The following SLC39A11 variants were observed in gnomAD, a reference collection of about 807,000 sequenced individuals.
SLC39A11 encodes solute carrier family 39 member 11, also known as zinc transporter ZIP11.
A neutral mutation model predicts 36.1 loss-of-function variants in SLC39A11; 33 were observed. The ratio of observed to expected loss-of-function variants is 0.91; its 90% CI spans 0.69 to 1.22. The LOEUF (loss-of-function observed/expected upper bound fraction) is 1.22. Ranked by LOEUF, SLC39A11 falls within the 50% of genes most tolerant of loss-of-function variation. The pLI is 0.00. For missense variants in SLC39A11, 432 were observed against 430.3 expected, an observed-to-expected ratio of 1.00 and a Z score of -0.03; for synonymous variants, 166 against 170.3, an observed-to-expected ratio of 0.97 and a Z score of 0.20.
intron 7 of SLC39A11, among the ~76,000 whole-genome samples, chr17:72,716,990 T>TACAC (rs1452808858): frequency 8.9e-4 from 110 of 123,358 alleles, no homozygotes; most frequent in African/African-American, 3.4e-3. Context: ...AATATATATA[T>TACAC]ATACACACAC....
intron 6 of SLC39A11, among the ~76,000 whole-genome samples, chr17:72,773,857 C>A (rs570681425): frequency 6.6e-6 from 1 of 152,272 alleles, no homozygotes; most frequent in South Asian, 2.1e-4. Flanking sequence ...CAAGGAGGAA[C>A]AGGGGCTGAA....
intron 6 of SLC39A11, among the ~76,000 whole-genome samples, chr17:72,804,267 T>C (rs1323901990): frequency 6.6e-6 from 1 of 152,174 alleles, no homozygotes; most frequent in East Asian, 1.9e-4. Flanking sequence ...TGCAAAGTCC[T>C]AGGAATCTGG....
chr17:72,829,818 T>C lies in SLC39A11; in HGVS notation c.601+19816A>G, dbSNP rs140826831. Among the ~76,000 whole-genome samples, 46 of 152,194 alleles carry C rather than the reference T, an allele frequency of 3.0e-4. No homozygotes were observed. The East Asian group carries it at 8.3e-3, about 28-fold the overall frequency. On this transcript the variant is annotated intron_variant, in intron 6 of 9. Coordinates refer to ENST00000255559, the MANE Select transcript of SLC39A11 (RefSeq NM_139177.4). ...TGCTCCTGATGCAGTTTTCTCCACGTCACTAGTGTAGCCACCTTGTTCCCC... is the reference window on the plus strand; with the variant it reads ...TGCTCCTGATGCAGTTTTCTCCACGCCACTAGTGTAGCCACCTTGTTCCCC...
chr17:72,857,373 C>T (rs915588916), intron 5 of SLC39A11, among the ~76,000 whole-genome samples: 1 of 152,080 alleles, frequency 6.6e-6, no homozygotes, highest in Non-Finnish European at 1.5e-5. Context: ...TTTCTTTATC[C>T]AACCTGTCAC....
intron 7 of SLC39A11, among the ~76,000 whole-genome samples, chr17:72,716,209 C>G (rs2073355321): frequency 1.3e-5 from 2 of 152,104 alleles, no homozygotes; most frequent in Admixed American, 1.3e-4. Flanking sequence ...GGTAGGGCCC[C>G]CAGCACTCCA....
At chr17:72,668,360 G>A (rs1409644469) in intron 7 of SLC39A11, among the ~76,000 whole-genome samples, 2 of 151,574 alleles carry the variant, frequency 1.3e-5, no homozygotes, top group Non-Finnish European at 2.9e-5. Flanking sequence ...TGGCTCTGAC[G>A]GATGCCCCAG....
intron 6 of SLC39A11, among the ~76,000 whole-genome samples, chr17:72,775,390 T>C (rs1427381680): frequency 6.6e-6 from 1 of 152,170 alleles, no homozygotes; most frequent in Non-Finnish European, 1.5e-5. Context: ...GATGTTGTAT[T>C]ATTTATAACA....
chr17:72,943,634 T>G (rs1303197003), intron 5 of SLC39A11, among the ~76,000 whole-genome samples: 3 of 152,306 alleles, frequency 2.0e-5, no homozygotes, highest in South Asian at 4.1e-4. Flanking sequence ...ACCTCACAAC[T>G]GAATAATCTC....
intron 4 of SLC39A11, among the ~76,000 whole-genome samples, chr17:72,993,619 C>T (rs1268672947): frequency 1.3e-5 from 2 of 152,188 alleles, no homozygotes; most frequent in Non-Finnish European, 2.9e-5. Flanking sequence ...AATGGCAACT[C>T]TGCCATGTTC....
At chr17:72,849,829 AG>A in intron 5 of SLC39A11, 25 bp from the exon 6 acceptor site, 22 of 1,507,690 alleles carry the variant, frequency 1.5e-5, no homozygotes, top group Non-Finnish European at 1.9e-5. Context: ...AAAAAAAGAG[AG>A]ATGGGGAAAG....
chr17:73,017,580 G>A (rs546413222), intron 4 of SLC39A11, among the ~76,000 whole-genome samples: 1 of 152,252 alleles, frequency 6.6e-6, no homozygotes, highest in East Asian at 1.9e-4. Flanking sequence ...GGGCGTGGTG[G>A]CACGTGCCTG....
chr17:72,998,099 C>CA (rs2089621964), intron 4 of SLC39A11, among the ~76,000 whole-genome samples: 2 of 152,098 alleles, frequency 1.3e-5, no homozygotes, highest in South Asian at 2.1e-4. Context: ...ATGAAAAAGG[C>CA]GTTAAATTTA....
chr17:72,799,897 C>G (rs1182562825), intron 6 of SLC39A11, among the ~76,000 whole-genome samples: 1 of 151,888 alleles, frequency 6.6e-6, no homozygotes, highest in Non-Finnish European at 1.5e-5. Context: ...TGTACCTACT[C>G]TCTGTTCTTA....
At chr17:73,062,457 G>A (rs1311183510) in intron 3 of SLC39A11, among the ~76,000 whole-genome samples, 1 of 8,830 alleles carries the variant, frequency 1.1e-4, no homozygotes, top group Admixed American at 1.3e-3. Context: ...GCCAGAGCTT[G>A]TCTCAAAAAA....
intron 4 of SLC39A11, among the ~76,000 whole-genome samples, chr17:72,990,529 T>C (rs1382567069): frequency 6.6e-6 from 1 of 152,202 alleles, no homozygotes; most frequent in African/African-American, 2.4e-5. Flanking sequence ...GCGATTCTCC[T>C]GCCTCAGCCC....
chr17:72,773,329 C>T lies in SLC39A11; in HGVS notation c.602-36610G>A, dbSNP rs111611009. Among the ~76,000 whole-genome samples the T allele has an allele frequency of 5.3e-3, 801 of 152,224 alleles. 11 individuals carry two copies. Among genetic ancestry groups the T allele is most frequent in the African/African-American group, 0.018 (736 of 41,514 alleles). The stretch of plus-strand genomic sequence containing the variant: ...CTTGAATTGTAGTTCCCATAATTCC[C>T]ATGTGTTGTGGGAGCGACCTGGTGG... On this transcript the variant is annotated intron_variant, in intron 6 of 9. Coordinates refer to ENST00000255559, the MANE Select transcript of SLC39A11 (RefSeq NM_139177.4).
At chr17:73,031,974 A>C (rs2058752043) in intron 3 of SLC39A11, among the ~76,000 whole-genome samples, 1 of 152,162 alleles carries the variant, frequency 6.6e-6, no homozygotes. Context: ...CATCTAGCCT[A>C]TAATTCAGTG....
chr17:72,957,080 G>A lies in SLC39A11; in HGVS notation c.307-9205C>T, dbSNP rs151099924. Among the ~76,000 whole-genome samples, 391 of 152,246 alleles carry A rather than the reference G, an allele frequency of 2.6e-3. 4 individuals are homozygous for A. Among genetic ancestry groups the A allele is most frequent in the African/African-American group, 8.5e-3 (352 of 41,542 alleles). On this transcript the variant is annotated intron_variant, in intron 4 of 9. Transcript: ENST00000255559. ...ACACTGATTCTTCTTGGTGGGGCCT[G>A]TCATCTTCCAGCAGACTAGATGGAG...
intron 4 of SLC39A11, among the ~76,000 whole-genome samples, chr17:72,976,567 T>G (rs568315958): frequency 1.3e-5 from 2 of 152,234 alleles, no homozygotes; most frequent in South Asian, 2.1e-4. Context: ...AATGTCTCTG[T>G]TGGCCGGGCG....
Sources: allele counts gnomAD v4.1 joint callset (sites outside exome capture counted in the v4.1 genomes callset), GRCh38; gene constraint gnomAD v4.1.1; transcripts MANE v1.5; gene names NCBI Gene and HGNC (gene_info 2026-07-23, HGNC 2026-07-21).